Variants in LINGO1 observed in about 807,000 individuals in gnomAD.
LINGO1 encodes leucine-rich repeat and immunoglobulin-like domain-containing nogo receptor-interacting protein 1.
In LINGO1, 11 loss-of-function variants were observed where a neutral mutation model predicts 37.3. The observed-to-expected ratio is 0.29, with a 90% CI of 0.19 to 0.49. LINGO1 has a LOEUF of 0.49. LINGO1 is among the 20% of genes least tolerant of loss of function. The pLI, the probability that LINGO1 is intolerant of heterozygous loss-of-function variation, is 0.99. For missense variants in LINGO1, 585 were observed against 878.2 expected, an observed-to-expected ratio of 0.67 and a Z score of 4.22; for synonymous variants, 387 against 403.0, an observed-to-expected ratio of 0.96 and a Z score of 0.48.
chr15:77,680,806 G>A (rs1008849761), intron 2 of LINGO1, among the ~76,000 whole-genome samples: 3 of 152,218 alleles, frequency 2.0e-5, no homozygotes, highest in Admixed American at 6.5e-5. Context: ...AGGGAGATAA[G>A]GAAAACTCCC....
intron 3 of LINGO1, among the ~76,000 whole-genome samples, chr15:77,669,487 G>A (rs1379023031): frequency 6.6e-6 from 1 of 152,214 alleles, no homozygotes; most frequent in Non-Finnish European, 1.5e-5. Context: ...ACACACCAGA[G>A]GAAGGGAGAG....
chr15:77,713,953 G>A (rs562832706), intron 2 of LINGO1, among the ~76,000 whole-genome samples: 1 of 152,166 alleles, frequency 6.6e-6, no homozygotes, highest in Non-Finnish European at 1.5e-5. Flanking sequence ...CACCACCCAC[G>A]TCGCTTCCTG....
upstream of LINGO1, among the ~76,000 whole-genome samples, chr15:77,637,722 T>TCAG (rs894096097): frequency 6.6e-6 from 1 of 152,166 alleles, no homozygotes; most frequent in Non-Finnish European, 1.5e-5. This position sits in a 1 kb window ranked among gnomAD's most constrained non-coding sequence, Gnocchi z 4.6. Flanking sequence ...AAGGTCCCTT[T>TCAG]CAGCATTCCC....
intron 2 of LINGO1, among the ~76,000 whole-genome samples, chr15:77,705,846 A>G (rs1008141628): frequency 6.6e-6 from 1 of 152,162 alleles, no homozygotes; most frequent in Admixed American, 6.5e-5. Context: ...GGTGAAGACC[A>G]CCACGGTCAC....
intron 2 of LINGO1, among the ~76,000 whole-genome samples, chr15:77,706,888 TC>T (rs1487186772): frequency 6.6e-6 from 1 of 152,316 alleles, no homozygotes; most frequent in East Asian, 1.9e-4. Context: ...CCCAGCCAGA[TC>T]CAGAAGCTAT....
At chr15:77,781,453 A>G (rs907199122) in intron 1 of LINGO1, among the ~76,000 whole-genome samples, 34 of 152,344 alleles carry the variant, frequency 2.2e-4, no homozygotes, top group African/African-American at 7.9e-4. Flanking sequence ...TTCATAAGAC[A>G]TGTTTAATTA....
At position 77,715,209 on chromosome 15, in the gene LINGO1, A is replaced by ACATC. The variant is rs1023081453; in HGVS notation, c.-195+19779_-195+19782dup. Among the ~76,000 whole-genome samples, 5 of 152,114 alleles carry ACATC rather than the reference A, an allele frequency of 3.3e-5. 1 individual carries two copies. Among genetic ancestry groups the ACATC allele is most frequent in the African/African-American group, 1.2e-4 (5 of 41,474 alleles). On this transcript the variant is annotated intron_variant, in intron 2 of 3. Coordinates refer to the LINGO1 transcript ENST00000561686. ...ATGGGGTACTCTCCACCCCTTTCAC[A>ACATC]CATCCATGGGGCGCTAGGAGGAAAT...
chr15:77,791,359 G>A (rs897896777), upstream of LINGO1, among the ~76,000 whole-genome samples: 3 of 147,964 alleles, frequency 2.0e-5, no homozygotes, highest in East Asian at 2.0e-4. Flanking sequence ...AAAGGCACAC[G>A]TGGACACGCA....
chr15:77,622,127 G>A (rs2073941691), intron 1 of LINGO1, among the ~76,000 whole-genome samples: 2 of 152,218 alleles, frequency 1.3e-5, no homozygotes, highest in South Asian at 4.1e-4. Context: ...GGCCTGGGAA[G>A]GGGGCTAGAG....
At position 77,615,369 on chromosome 15, in the gene LINGO1, C is replaced by T. The variant is rs370278779; in HGVS notation, c.538G>A (p.Val180Ile). 6.8e-6 allele frequency: 11 copies of T among 1,613,960 alleles called. No homozygotes were observed. Among genetic ancestry groups the T allele is most frequent in the South Asian group, 2.2e-5 (2 of 91,080 alleles). Reference sequence around the variant, plus strand: ...CTGAAGGCGCGGTGAGAGATGTAGACGAGGTCATTGTCGCCAACCTCCAGT... The same window carrying T: ...CTGAAGGCGCGGTGAGAGATGTAGATGAGGTCATTGTCGCCAACCTCCAGT... ...KSLEVGDNDLVYISHRAFSGL... is the reference protein window; with the variant it reads ...KSLEVGDNDLIYISHRAFSGL... The change falls in exon 2 of 2, where the codon GTC (valine) becomes ATC (isoleucine). Residue 180 changes from valine to isoleucine, a missense_variant. Val to Ile is a conservative substitution (Grantham distance 29). This residue lies in a region of LINGO1 where 484 missense variants were observed against 735.0 expected (regional missense o/e 0.66). Transcript: ENST00000355300.
intron 1 of LINGO1, among the ~76,000 whole-genome samples, chr15:77,813,765 G>C (rs1041122660): frequency 2.6e-5 from 4 of 152,222 alleles, no homozygotes; most frequent in African/African-American, 4.8e-5. Context: ...AAATAGCCTT[G>C]TAAGGCAGGC....
chr15:77,658,397 A>T (rs1157871476), intron 3 of LINGO1, among the ~76,000 whole-genome samples: 1 of 152,198 alleles, frequency 6.6e-6, no homozygotes, highest in Non-Finnish European at 1.5e-5. Context: ...TTCGCTCAAC[A>T]AACACTGACC....
Position 77,690,470 on chromosome 15 carries a change from T to C in LINGO1, c.-99+250A>G, listed in dbSNP as rs557375878. 2.0e-5 allele frequency among the ~76,000 whole-genome samples: 3 copies of C among 152,312 alleles called. No individual in the cohort carries two copies. The South Asian group carries it at 6.2e-4, about 32-fold the overall frequency. ...AATACAGACAAAAACCAGGTTCTGG[T>C]TGCACCGTTTGACTCACTGGATCAA... is the stretch of plus-strand genomic sequence containing the variant. On this transcript the variant is annotated intron_variant, in intron 2 of 3. Coordinates refer to the LINGO1 transcript ENST00000559893.
At chr15:77,688,539 G>T (rs1180214328) in intron 2 of LINGO1, among the ~76,000 whole-genome samples, 1 of 152,198 alleles carries the variant, frequency 6.6e-6, no homozygotes, top group Non-Finnish European at 1.5e-5. Flanking sequence ...CACCGCGGCA[G>T]GCTTCAGTGT....
At chr15:77,756,955 C>T (rs534479676) in intron 1 of LINGO1, among the ~76,000 whole-genome samples, 42 of 152,360 alleles carry the variant, frequency 2.8e-4, no homozygotes, top group Non-Finnish European at 5.9e-4. Flanking sequence ...GGAGGGGCCC[C>T]CACCTCTGCT....
intron 1 of LINGO1, among the ~76,000 whole-genome samples, chr15:77,745,066 C>T (rs943139523): frequency 3.4e-5 from 5 of 146,290 alleles, no homozygotes; most frequent in Non-Finnish European, 7.4e-5. Context: ...TGCAGTGAGT[C>T]GAGATTGCAC....
chr15:77,614,632 G>T lies in LINGO1; in HGVS notation c.1275C>A (p.Arg425=). 4 of 1,611,380 alleles carry T rather than the reference G, an allele frequency of 2.5e-6. No homozygotes were observed. The highest frequency in any genetic ancestry group is 3.4e-6 in the Non-Finnish European group (4 of 1,179,024). ...CCTGCTGGGCCTTGCGGTCCCGGAT[G>T]CGGGCGCGGCGGCAGGTGAAGTAGT... ...LPNYFTCRRA[R]IRDRKAQQVF... is the part of the protein sequence containing the mutation. Residue 425 remains arginine, a synonymous_variant, in exon 2 of 2, where the codon CGC becomes CGA. Transcript: ENST00000355300.
At chr15:77,703,999 C>G (rs1156257712) in intron 2 of LINGO1, among the ~76,000 whole-genome samples, 5 of 152,184 alleles carry the variant, frequency 3.3e-5, no homozygotes, top group Admixed American at 6.5e-5. Context: ...AATAAAGGGA[C>G]AAGGAGTTTG....
chr15:77,688,174 G>A (rs1001660732), intron 2 of LINGO1, among the ~76,000 whole-genome samples: 1 of 152,210 alleles, frequency 6.6e-6, no homozygotes, highest in Non-Finnish European at 1.5e-5. Flanking sequence ...TCAGAGCTGG[G>A]CTTGCCTCTG....
Sources: allele counts gnomAD v4.1 joint callset (sites outside exome capture counted in the v4.1 genomes callset), GRCh38; gene constraint gnomAD v4.1.1; regional missense constraint gnomAD v4.1.1; non-coding constraint Gnocchi (gnomAD v3.1); transcripts MANE v1.5; gene names NCBI Gene and HGNC (gene_info 2026-07-23, HGNC 2026-07-21).